CPEB1: variants seen among roughly 807,000 people sequenced by gnomAD.
CPEB1 encodes the protein cytoplasmic polyadenylation element-binding protein 1.
A neutral mutation model predicts 65.8 loss-of-function variants in CPEB1; 7 were observed. The ratio of observed to expected loss-of-function variants is 0.11; its 90% CI spans 0.06 to 0.20. The LOEUF (loss-of-function observed/expected upper bound fraction) is 0.20. CPEB1 is among the 10% of genes least tolerant of loss of function. The pLI is 1.00. For synonymous variants in CPEB1, 262 were observed against 260.0 expected (o/e 1.01, Z -0.08); for missense variants, 551 against 712.2 (o/e 0.77, Z 2.58).
At chr15:82,593,518 T>G (rs2042427548) in intron 3 of CPEB1, among the ~76,000 whole-genome samples, 1 of 152,226 alleles carries the variant, frequency 6.6e-6, no homozygotes, top group African/African-American at 2.4e-5. Flanking sequence ...CTTCCTCCAC[T>G]GAAGCAGTGA....
At chr15:82,594,890 C>T (rs533704771) in intron 3 of CPEB1, among the ~76,000 whole-genome samples, 17 of 152,108 alleles carry the variant, frequency 1.1e-4, no homozygotes, top group Admixed American at 2.0e-4. Flanking sequence ...GGAGAACGGC[C>T]GACTGGTGGA....
At chr15:82,621,455 C>G (rs1286188770) in intron 3 of CPEB1, among the ~76,000 whole-genome samples, 2 of 152,012 alleles carry the variant, frequency 1.3e-5, no homozygotes, top group South Asian at 2.1e-4. Flanking sequence ...AACCCCGTCT[C>G]TACTAAAAAT....
intron 3 of CPEB1, among the ~76,000 whole-genome samples, chr15:82,595,152 T>C (rs971738328): frequency 7.9e-5 from 12 of 152,226 alleles, no homozygotes; most frequent in Admixed American, 5.9e-4. Context: ...ATCTGTGAGG[T>C]GTGATAAAAT....
chr15:82,586,404 ATT>A (rs1221945653), intron 3 of CPEB1, among the ~76,000 whole-genome samples: 1 of 152,162 alleles, frequency 6.6e-6, no homozygotes, highest in Non-Finnish European at 1.5e-5. Flanking sequence ...TCTAAAAATA[ATT>A]TTGTTATACT....
At chr15:82,644,116 G>C (rs1339624501) in intron 1 of CPEB1, among the ~76,000 whole-genome samples, 1 of 152,192 alleles carries the variant, frequency 6.6e-6, no homozygotes, top group Non-Finnish European at 1.5e-5. Context: ...TAACTGCTCT[G>C]ACATACATTG....
Position 82,556,056 on chromosome 15 carries a change from A to G in CPEB1, c.754T>C (p.Leu252=). The G allele has an allele frequency of 6.2e-7, 1 of 1,612,288 alleles. No individual in the cohort carries two copies. Among genetic ancestry groups the G allele is most frequent in the Non-Finnish European group, 8.5e-7 (1 of 1,179,246 alleles). ...SLSGGGPRDP[L]KMGVGSRMDQ... ...ATCCGAGACCCTACCCCCATCTTTA[A>G]AGGGTCTCTGGGACCACCCCCTGAC... Residue 252 remains leucine (L), a synonymous_variant, in exon 6 of 13, where the codon TTA becomes CTA. Coordinates refer to ENST00000684509, the MANE Select transcript of CPEB1 (RefSeq NM_001365242.1).
intron 3 of CPEB1, among the ~76,000 whole-genome samples, chr15:82,595,805 AT>A (rs1199284201): frequency 6.6e-6 from 1 of 152,256 alleles, no homozygotes; most frequent in Non-Finnish European, 1.5e-5. Context: ...GAAAACTGCT[AT>A]TTGGCAACCT....
At chr15:82,549,222 C>G (rs1189619190) in intron 10 of CPEB1, among the ~76,000 whole-genome samples, 1 of 152,240 alleles carries the variant, frequency 6.6e-6, no homozygotes, top group Admixed American at 6.5e-5. Flanking sequence ...CACTTCTTAT[C>G]ACCTCCTGTA....
At chr15:82,591,454 C>T (rs2042244709) in intron 3 of CPEB1, among the ~76,000 whole-genome samples, 1 of 152,068 alleles carries the variant, frequency 6.6e-6, no homozygotes, top group African/African-American at 2.4e-5. Context: ...TTAGTAGAGA[C>T]AGGGCTTCAC....
rs1158787322 is a variant in CPEB1 at position 82,547,004 on chromosome 15, T to C, written c.1575+139A>G. The C allele has an allele frequency of 6.4e-6, 4 of 621,362 alleles. 1 individual carries two copies. In the East Asian group the frequency reaches 1.1e-4, roughly 17 times the overall value. The allele number at this position is 621,362 out of a possible 1,614,324, so 38.5% of individuals were successfully genotyped here. On this transcript the variant is annotated intron_variant, in intron 11 of 12. Coordinates refer to ENST00000684509, the MANE Select transcript of CPEB1 (RefSeq NM_001365242.1). ...GCCCACTCCCAAACCCTAACCTCAA[T>C]GTTAATTCTCAGGAATTTGGCTCAC... is the stretch of plus-strand genomic sequence containing the variant.
intron 4 of CPEB1, among the ~76,000 whole-genome samples, chr15:82,569,712 T>G (rs2039722044): frequency 6.6e-6 from 1 of 152,208 alleles, no homozygotes; most frequent in Non-Finnish European, 1.5e-5. Context: ...TATAATGTAT[T>G]TCAGAAAGAG....
chr15:82,570,369 C>A (rs1295433790), intron 4 of CPEB1, among the ~76,000 whole-genome samples: 2 of 152,028 alleles, frequency 1.3e-5, no homozygotes, highest in Non-Finnish European at 2.9e-5. Flanking sequence ...CAGCGAATGG[C>A]TGTACCACCC....
intron 9 of CPEB1, 34 bp downstream of exon 9, chr15:82,552,446 C>T: frequency 6.6e-7 from 1 of 1,514,970 alleles, no homozygotes. Flanking sequence ...TATTCCAAGA[C>T]CCTCGATCCA....
chr15:82,558,090 A>G, intron 4 of CPEB1, 104 bp from the exon 5 acceptor site: 1 of 761,874 alleles, frequency 1.3e-6, no homozygotes. Flanking sequence ...CAAAGGCAAG[A>G]CAACTAAAAG....
At chr15:82,588,592 G>A (rs2041983870) in intron 3 of CPEB1, among the ~76,000 whole-genome samples, 1 of 152,134 alleles carries the variant, frequency 6.6e-6, no homozygotes, top group Non-Finnish European at 1.5e-5. Flanking sequence ...CATTCAGGCT[G>A]CTTCTAGTAG....
intron 3 of CPEB1, among the ~76,000 whole-genome samples, chr15:82,599,874 T>C (rs896292883): frequency 1.3e-5 from 2 of 151,906 alleles, no homozygotes; most frequent in Non-Finnish European, 2.9e-5. Flanking sequence ...AGCAGTGAAC[T>C]AGAATATAGA....
chr15:82,568,998 G>A (rs1043828106), intron 4 of CPEB1, among the ~76,000 whole-genome samples: 9 of 152,186 alleles, frequency 5.9e-5, no homozygotes, highest in Non-Finnish European at 1.3e-4. Context: ...TTGCATCTTG[G>A]TCTCTACACA....
chr15:82,629,511 C>T (rs2046063045), intron 1 of CPEB1: 1 of 985,182 alleles, frequency 1.0e-6, no homozygotes, highest in African/African-American at 1.7e-5. Context: ...TATTCCCTAT[C>T]TCGGTAAATA....
chr15:82,593,392 T>G (rs2042416299), intron 3 of CPEB1, among the ~76,000 whole-genome samples: 1 of 152,174 alleles, frequency 6.6e-6, no homozygotes, highest in African/African-American at 2.4e-5. Flanking sequence ...AAACCATTCA[T>G]CTGTAAGAAG....
Sources: allele counts gnomAD v4.1 joint callset (sites outside exome capture counted in the v4.1 genomes callset), GRCh38; gene constraint gnomAD v4.1.1; transcripts MANE v1.5; gene names NCBI Gene and HGNC (gene_info 2026-07-23, HGNC 2026-07-21).